MACROD2: variants seen among roughly 807,000 people sequenced by gnomAD.
The protein encoded by MACROD2 is ADP-ribose glycohydrolase MACROD2.
In MACROD2, 36 loss-of-function variants were observed where a neutral mutation model predicts 70.4. The observed-to-expected ratio is 0.51, with a 90% CI of 0.39 to 0.68. The LOEUF (loss-of-function observed/expected upper bound fraction) is 0.68, where lower values mean the gene tolerates loss of function less well. Among genes scored for constraint, MACROD2 ranks in the 30% least tolerant of loss-of-function variants. The pLI is 0.00. For synonymous variants in MACROD2, 172 were observed against 178.8 expected (o/e 0.96, Z 0.30); for missense variants, 496 against 538.4 (o/e 0.92, Z 0.78).
At chr20:14,165,880 A>G (rs1262442467) in intron 3 of MACROD2, among the ~76,000 whole-genome samples, 2 of 152,194 alleles carry the variant, frequency 1.3e-5, no homozygotes, top group Non-Finnish European at 2.9e-5. Context: ...TATCTCTACT[A>G]GGTAAGTCCT....
chr20:14,127,309 A>C (rs945020926), intron 3 of MACROD2: 7 of 293,670 alleles, frequency 2.4e-5, no homozygotes, highest in Non-Finnish European at 4.5e-5. Context: ...AGAGGTGAGG[A>C]AACTCCATAA....
rs752709147 is a variant in MACROD2 at position 14,101,782 on chromosome 20, G to GA, written c.271+16064dup. Among the ~76,000 whole-genome samples the GA allele has an allele frequency of 7.5e-3, 1,077 of 144,196 alleles. 12 individuals carry two copies. Among genetic ancestry groups the GA allele is most frequent in the Admixed American group, 0.012 (167 of 14,518 alleles). 94.6% of individuals were successfully genotyped at this position (144,196 alleles called of 152,430 possible). A position where few individuals can be genotyped will look rare whatever the true frequency, so the allele number is the denominator to read the frequency against. On this transcript the variant is annotated intron_variant, in intron 3 of 17. Coordinates refer to ENST00000684519, the MANE Select transcript of MACROD2 (RefSeq NM_001351661.2). ...TTTTGGTCTTTAAGAGAGACTAAAA[G>GA]AAAAAAAAAACGTGAGACAACAGCT... is the stretch of plus-strand genomic sequence containing the variant.
intron 5 of MACROD2, among the ~76,000 whole-genome samples, chr20:14,920,228 G>A (rs2074145170): frequency 6.6e-6 from 1 of 152,118 alleles, no homozygotes; most frequent in South Asian, 2.1e-4. Context: ...TTTGTGATGT[G>A]CTCAACTTTC....
In MACROD2 at chr20:15,869,254, G is replaced by GAGAGAGAC. The variant is rs2064545729; in HGVS notation, c.727+6435_727+6436insCAGAGAGA. Among the ~76,000 whole-genome samples, 7 of 126,786 alleles carry GAGAGAGAC rather than the reference G, an allele frequency of 5.5e-5. No individual in the cohort carries two copies. In the Admixed American group the frequency reaches 5.5e-4, roughly 10 times the overall value. The allele number at this position is 126,786 out of a possible 152,430, so 83.2% of individuals were successfully genotyped here. On this transcript the variant is annotated intron_variant, in intron 9 of 17. Coordinates refer to ENST00000684519, the MANE Select transcript of MACROD2 (RefSeq NM_001351661.2). ...ATATATATATAGAGAGAGAGAGAGA[G>GAGAGAGAC]AGAGAGAGAGAGAGCAATGCTGGGA...
In MACROD2 at chr20:15,313,272, C is replaced by T. The variant is rs368945523; in HGVS notation, c.540+83211C>T. On this transcript the variant is annotated intron_variant, in intron 6 of 17. Coordinates refer to ENST00000684519, the MANE Select transcript of MACROD2 (RefSeq NM_001351661.2). ...CTGTAATCCCAGCACTTTGGGAGGC[C>T]GAGGCGGGTGGATCACGAGGTCAGG... Among the ~76,000 whole-genome samples, 67 of 151,964 alleles carry T rather than the reference C, an allele frequency of 4.4e-4. 1 individual carries two copies. Among genetic ancestry groups the T allele is most frequent in the Middle Eastern group, 3.4e-3 (1 of 294 alleles).
At chr20:15,529,666 GT>G (rs2047770171) in intron 8 of MACROD2, among the ~76,000 whole-genome samples, 1 of 152,040 alleles carries the variant, frequency 6.6e-6, no homozygotes, top group South Asian at 2.1e-4. Flanking sequence ...AACTGTAATA[GT>G]TACGTATATG....
At chr20:15,212,993 A>C (rs2076777438) in intron 5 of MACROD2, among the ~76,000 whole-genome samples, 1 of 152,196 alleles carries the variant, frequency 6.6e-6, no homozygotes, top group African/African-American at 2.4e-5. Flanking sequence ...CAAGTTTGAA[A>C]ACTACTGACC....
At chr20:14,777,166 C>T (rs1296000493) in intron 5 of MACROD2, among the ~76,000 whole-genome samples, 2 of 152,104 alleles carry the variant, frequency 1.3e-5, no homozygotes, top group Admixed American at 1.3e-4. Context: ...AGCATTCTTG[C>T]ATGCCTAGGT....
chr20:14,840,033 C>CTTTTTTTTTTTTTTT (rs71190154), intron 5 of MACROD2, among the ~76,000 whole-genome samples: 2 of 142,492 alleles, frequency 1.4e-5, no homozygotes, highest in Non-Finnish European at 3.0e-5. Context: ...GTCTCCATGT[C>CTTTTTTTTTTTTTTT]TTTTTTTTTT....
At chr20:14,307,525 T>C (rs2082531172) in intron 3 of MACROD2, among the ~76,000 whole-genome samples, 1 of 147,494 alleles carries the variant, frequency 6.8e-6, no homozygotes, top group Non-Finnish European at 1.5e-5. Flanking sequence ...AAAATAACAA[T>C]TGTAGATCTC....
chr20:15,806,412 T>G (rs976808369), intron 8 of MACROD2, among the ~76,000 whole-genome samples: 1 of 152,184 alleles, frequency 6.6e-6, no homozygotes, highest in Non-Finnish European at 1.5e-5. Context: ...TCAAGCCACT[T>G]AACACCTTTC....
intron 7 of MACROD2, among the ~76,000 whole-genome samples, chr20:15,441,972 C>T (rs1032070898): frequency 1.3e-5 from 2 of 152,166 alleles, no homozygotes; most frequent in Non-Finnish European, 2.9e-5. Context: ...TAAGAAGCTC[C>T]TTCTAAAGAA....
intron 3 of MACROD2, among the ~76,000 whole-genome samples, chr20:14,116,275 A>G (rs942195641): frequency 2.6e-5 from 4 of 152,348 alleles, no homozygotes; most frequent in African/African-American, 7.2e-5. Context: ...ACCAAATAAT[A>G]TATTCTTCTC....
At chr20:14,586,242 T>C (rs760001369) in intron 4 of MACROD2, among the ~76,000 whole-genome samples, 1 of 151,782 alleles carries the variant, frequency 6.6e-6, no homozygotes, top group Non-Finnish European at 1.5e-5. Flanking sequence ...TGGCTGTGTG[T>C]ATGTGTGTGT....
intron 5 of MACROD2, among the ~76,000 whole-genome samples, chr20:15,074,692 T>G (rs1022096754): frequency 6.6e-6 from 1 of 152,166 alleles, no homozygotes; most frequent in Non-Finnish European, 1.5e-5. Flanking sequence ...CACTGCAGAA[T>G]TGATTGCTTG....
At chr20:15,062,249 T>C (rs1340730451) in intron 5 of MACROD2, among the ~76,000 whole-genome samples, 1 of 152,194 alleles carries the variant, frequency 6.6e-6, no homozygotes, top group Non-Finnish European at 1.5e-5. Flanking sequence ...TTTCCAGGTG[T>C]TGAGAAATAG....
chr20:15,636,798 G>A (rs1382274696), intron 8 of MACROD2, among the ~76,000 whole-genome samples: 1 of 152,092 alleles, frequency 6.6e-6, no homozygotes, highest in East Asian at 1.9e-4. Flanking sequence ...AGTGAGAGAA[G>A]GGGGATGTTT....
intron 4 of MACROD2, among the ~76,000 whole-genome samples, chr20:14,638,233 C>G (rs957918235): frequency 6.6e-6 from 1 of 152,070 alleles, no homozygotes; most frequent in African/African-American, 2.4e-5. Flanking sequence ...TTTATGGTAT[C>G]AGATGATTTT....
At chr20:15,657,294 C>T (rs545331698) in intron 8 of MACROD2, among the ~76,000 whole-genome samples, 1 of 152,280 alleles carries the variant, frequency 6.6e-6, no homozygotes, top group South Asian at 2.1e-4. Context: ...TCTTCTGATG[C>T]TTTCTATTTG....
Sources: allele counts gnomAD v4.1 joint callset (sites outside exome capture counted in the v4.1 genomes callset), GRCh38; gene constraint gnomAD v4.1.1; transcripts MANE v1.5; gene names NCBI Gene and HGNC (gene_info 2026-07-23, HGNC 2026-07-21).